The following RXRB variants were observed in gnomAD, a reference collection of about 807,000 sequenced individuals.
The protein encoded by RXRB is retinoid X receptor beta.
A neutral mutation model predicts 52.5 loss-of-function variants in RXRB; 18 were observed. That is an observed-to-expected ratio of 0.34 (90% CI 0.24 to 0.51). RXRB has a LOEUF of 0.51. Ranked by LOEUF, RXRB falls within the 20% of genes least tolerant of loss-of-function variation. The pLI, the probability that RXRB is intolerant of heterozygous loss-of-function variation, is 0.97. For synonymous variants in RXRB, 233 were observed against 267.1 expected (o/e 0.87, Z 1.25); for missense variants, 455 against 698.2 (o/e 0.65, Z 3.92).
In RXRB at chr6:33,199,265, C is replaced by T; in HGVS notation, c.387G>A (p.Leu129=). 1 of 394,922 alleles carries T rather than the reference C, an allele frequency of 2.5e-6. No individual in the cohort carries two copies. The highest frequency in any genetic ancestry group is 3.1e-6 in the Non-Finnish European group (1 of 321,670). 24.5% of individuals were successfully genotyped at this position (394,922 alleles called of 1,614,324 possible). ...AACTGATGACTGGAAAGGGAGAGCC[C>T]AGTGGGGGTGGTGGCATCGGGGGTG... ...PPPPPMPPPP[L]GSPFPVISSS... Residue 129 remains leucine (L), a synonymous_variant, in exon 2 of 10, where the codon CTG becomes CTA. Coordinates refer to ENST00000374680, the MANE Select transcript of RXRB (RefSeq NM_021976.5).
rs1774035764 is a variant in RXRB, at chr6:33,197,828, G to A, written c.754C>T (p.Arg252Cys). 1.2e-6 allele frequency: 2 copies of A among 1,613,944 alleles called. No individual in the cohort carries two copies. Among genetic ancestry groups the A allele is most frequent in the Non-Finnish European group, 1.7e-6 (2 of 1,180,024 alleles). Reference protein sequence around the residue: ...RDNKDCTVDKRQRNRCQYCRY... With the variant: ...RDNKDCTVDKCQRNRCQYCRY... ...CAGTACTGACAGCGGTTCCGCTGGC[G>A]CTTGTCCACTGTGCAGTCTTTGTTG... The change falls in exon 4 of 10, where the codon CGC becomes TGC. Residue 252 changes from arginine (R) to cysteine (C), a missense_variant. By Grantham distance (180) the Arg-to-Cys change is radical. Around this residue, in one of 4 missense-constraint regions of RXRB, gnomAD observed 100 missense variants for 141.9 expected, o/e 0.70. Coordinates refer to ENST00000374680, the MANE Select transcript of RXRB (RefSeq NM_021976.5). This position sits in a 1 kb window ranked among gnomAD's most constrained non-coding sequence, Gnocchi z 4.4.
Position 33,195,271 on chromosome 6 carries a change from G to A in RXRB, c.1348+92C>T. 1 of 891,042 alleles carries A rather than the reference G, an allele frequency of 1.1e-6. No homozygotes were observed. Among genetic ancestry groups the A allele is most frequent in the Non-Finnish European group, 1.9e-6 (1 of 529,896 alleles). 55.2% of individuals were successfully genotyped at this position (891,042 alleles called of 1,614,324 possible). On this transcript the variant is annotated intron_variant, in intron 8 of 9. Coordinates refer to ENST00000374680, the MANE Select transcript of RXRB (RefSeq NM_021976.5). This position sits in a 1 kb window ranked among gnomAD's most constrained non-coding sequence, Gnocchi z 8.6. The stretch of plus-strand genomic sequence containing the variant: ...AGATTTCCAGGTTGAGGGTCTTACT[G>A]AGGGGGATAGCTGGGTAACTTAGGA...
intron 1 of RXRB, 117 bp from the exon 2 acceptor site, chr6:33,199,533 C>T (rs1774263132): frequency 1.2e-6 from 1 of 819,044 alleles, no homozygotes; most frequent in African/African-American, 1.7e-5. Flanking sequence ...CCCACCGTGC[C>T]GGACCCAGCC....
rs771141607 is a variant in RXRB, at chr6:33,198,340, C to T, written c.608G>A (p.Arg203Gln). 3.7e-6 allele frequency: 6 copies of T among 1,613,076 alleles called. No individual in the cohort carries two copies. Among genetic ancestry groups the T allele is most frequent in the East Asian group, 2.2e-5 (1 of 44,884 alleles). ...TCTGTCCCCGCAGATTGCACATAGC[C>T]GTTTGCCAGCCCCAGGGCCACCTGG... ...PPPGGPGAGK[R>Q]LCAICGDRSS... Residue 203 changes from arginine to glutamine, a missense_variant, in exon 3 of 10, where the codon CGG (arginine) becomes CAG (glutamine). Physicochemically the swap from Arg to Gln is conservative, Grantham distance 43. Coordinates refer to ENST00000374680, the MANE Select transcript of RXRB (RefSeq NM_021976.5).
chr6:33,198,444 G>A lies in RXRB; in HGVS notation c.504C>T (p.Leu168=). 6.2e-7 allele frequency: 1 copy of A among 1,612,628 alleles called. No individual in the cohort carries two copies. Among genetic ancestry groups the A allele is most frequent in the Non-Finnish European group, 8.5e-7 (1 of 1,179,734 alleles). The change falls in exon 3 of 10, where the codon CTC becomes CTT. Residue 168 remains leucine (L), a synonymous_variant. Coordinates refer to ENST00000374680, the MANE Select transcript of RXRB (RefSeq NM_021976.5). ...CAGGGGGGCCAGACCCACCCCCAGG[G>A]AGTGACACTGTTGAGTTAATCTGGG... ...SSPQINSTVS[L]PGGGSGPPED...
upstream of RXRB, chr6:33,200,763 T>G: frequency 2.6e-6 from 4 of 1,539,002 alleles, no homozygotes; most frequent in South Asian, 1.2e-5. This position sits in a 1 kb window ranked among gnomAD's most constrained non-coding sequence, Gnocchi z 6.3. Context: ...TCCCCTCAAA[T>G]CACCTCCACA....
intron 3 of RXRB, 115 bp from the exon 4 acceptor site, chr6:33,198,056 G>C (rs1188270082): frequency 8.3e-7 from 1 of 1,197,670 alleles, no homozygotes; most frequent in Non-Finnish European, 1.2e-6. Flanking sequence ...GCCAAATACA[G>C]AGATAGGGAA....
At position 33,195,543 on chromosome 6, in the gene RXRB, A is replaced by T. The variant is rs933124079; in HGVS notation, c.1256+27T>A. The T allele has an allele frequency of 1.2e-6, 2 of 1,612,810 alleles. No individual in the cohort carries two copies. Among genetic ancestry groups the T allele is most frequent in the Admixed American group, 1.7e-5 (1 of 59,996 alleles). On this transcript the variant is annotated intron_variant, in intron 7 of 9. Transcript: ENST00000374680. The surrounding 1 kb of genome is among the most constrained non-coding windows in gnomAD (Gnocchi z 8.6). ...CTATAGCCCCACCCCCTCTATCTAC[A>T]TGCCAGCCTAGCCGAGGGCCACTGA...
Position 33,194,636 on chromosome 6 carries a change from G to A in RXRB, c.*46C>T. 1 of 1,597,134 alleles carries A rather than the reference G, an allele frequency of 6.3e-7. No homozygotes were observed. Among genetic ancestry groups the A allele is most frequent in the Non-Finnish European group, 8.5e-7 (1 of 1,171,492 alleles). ...GCCCCAGGGCTTGGAGTCCCTCTTG[G>A]ATGTGTGCTCCTCCAGTGTGAGAAG... On this transcript the variant is annotated 3_prime_UTR_variant, in exon 10 of 10. Coordinates refer to ENST00000374680, the MANE Select transcript of RXRB (RefSeq NM_021976.5). The surrounding 1 kb of genome is among the most constrained non-coding windows in gnomAD (Gnocchi z 4.1).
chr6:33,195,510 G>T lies in RXRB; in HGVS notation c.1257-56C>A. 6.2e-7 allele frequency: 1 copy of T among 1,612,610 alleles called. No individual in the cohort carries two copies. The highest frequency in any genetic ancestry group is 8.5e-7 in the Non-Finnish European group (1 of 1,179,642). ...TCACAGCTCAGCCAGCCTTGGACAC[G>T]GACCAGCCTATAGCCCCACCCCCTC... On this transcript the variant is annotated intron_variant, in intron 7 of 9. Coordinates refer to ENST00000374680, the MANE Select transcript of RXRB (RefSeq NM_021976.5). This position sits in a 1 kb window ranked among gnomAD's most constrained non-coding sequence, Gnocchi z 8.6.
At position 33,194,421 on chromosome 6, in the gene RXRB, C is replaced by T. The variant is rs1469058361; in HGVS notation, c.*261G>A. On this transcript the variant is annotated 3_prime_UTR_variant, in exon 10 of 10. Coordinates refer to ENST00000374680, the MANE Select transcript of RXRB (RefSeq NM_021976.5). The surrounding 1 kb of genome is among the most constrained non-coding windows in gnomAD (Gnocchi z 4.1). ...GGGAAGGACAGAGGGTGAGAAATCACCCCAAATCATGGGAGAACCCGACAA... is the reference window on the plus strand; with the variant it reads ...GGGAAGGACAGAGGGTGAGAAATCATCCCAAATCATGGGAGAACCCGACAA... 4.1e-6 allele frequency: 2 copies of T among 486,204 alleles called. No individual in the cohort carries two copies. The highest frequency in any genetic ancestry group is 7.3e-6 in the Non-Finnish European group (2 of 274,418). The allele number at this position is 486,204 out of a possible 1,614,324, so 30.1% of individuals were successfully genotyped here.
chr6:33,196,354 G>T lies in RXRB; in HGVS notation c.993+80C>A, dbSNP rs1057106225. ...TAGGAAGGTTATGAGGGGAAAGGAG[G>T]GGGAGGGGATGTAGAACAGACCTAG... is the stretch of plus-strand genomic sequence containing the variant. On this transcript the variant is annotated intron_variant, in intron 5 of 9. Coordinates refer to ENST00000374680, the MANE Select transcript of RXRB (RefSeq NM_021976.5). This position sits in a 1 kb window ranked among gnomAD's most constrained non-coding sequence, Gnocchi z 4.0. The T allele has an allele frequency of 2.2e-6, 3 of 1,378,418 alleles. No individual in the cohort carries two copies. The highest frequency in any genetic ancestry group is 1.0e-6 in the Non-Finnish European group (1 of 967,012). 85.4% of individuals were successfully genotyped at this position (1,378,418 alleles called of 1,614,324 possible). A position where few individuals can be genotyped will look rare whatever the true frequency, so the allele number is the denominator to read the frequency against.
At chr6:33,198,273 A>C in intron 3 of RXRB, 35 bp downstream of exon 3, 1 of 1,612,296 alleles carries the variant, frequency 6.2e-7, no homozygotes, top group Non-Finnish European at 8.5e-7. Flanking sequence ...CATGGCCCAG[A>C]CTCTCCCTCT....
intron 3 of RXRB, 52 bp downstream of exon 3, chr6:33,198,256 G>A: frequency 6.2e-7 from 1 of 1,610,728 alleles, no homozygotes; most frequent in Non-Finnish European, 8.5e-7. Flanking sequence ...TCCCACAGGT[G>A]ATGATACATG....
chr6:33,194,650 C>T lies in RXRB; in HGVS notation c.*32G>A. ...AGTCCCTCTTGGATGTGTGCTCCTC[C>T]AGTGTGAGAAGCACCACGTCTGGGT... On this transcript the variant is annotated 3_prime_UTR_variant, in exon 10 of 10. Coordinates refer to ENST00000374680, the MANE Select transcript of RXRB (RefSeq NM_021976.5). The surrounding 1 kb of genome is among the most constrained non-coding windows in gnomAD (Gnocchi z 4.1). The T allele has an allele frequency of 6.2e-7, 1 of 1,605,992 alleles. No individual in the cohort carries two copies. Among genetic ancestry groups the T allele is most frequent in the Non-Finnish European group, 8.5e-7 (1 of 1,176,022 alleles).
At chr6:33,199,131 GA>G in intron 2 of RXRB, 37 bp downstream of exon 2, 1 of 1,282,188 alleles carries the variant, frequency 7.8e-7, no homozygotes. Flanking sequence ...ACAAGAAAAT[GA>G]AAGTGGCCAG....
upstream of RXRB, chr6:33,200,816 G>C (rs1562426112): frequency 2.6e-6 from 4 of 1,520,214 alleles, no homozygotes; most frequent in South Asian, 2.4e-5. This position sits in a 1 kb window ranked among gnomAD's most constrained non-coding sequence, Gnocchi z 6.3. Flanking sequence ...GTCGCTACCG[G>C]AGTGCCGCCA....
rs1002841616 is a variant in RXRB, at chr6:33,200,610, T to C, written c.-134A>G. On this transcript the variant is annotated 5_prime_UTR_variant, in exon 1 of 10. Coordinates refer to ENST00000374680, the MANE Select transcript of RXRB (RefSeq NM_021976.5). The surrounding 1 kb of genome is among the most constrained non-coding windows in gnomAD (Gnocchi z 6.3). ...GATTGGGTCGAATTAAGCCCGTCGC[T>C]CTGCTCAGTACCAAAATGACAGCGC... 6.7e-7 allele frequency: 1 copy of C among 1,497,456 alleles called. No homozygotes were observed. The highest frequency in any genetic ancestry group is 8.9e-7 in the Non-Finnish European group (1 of 1,123,450). 92.8% of individuals were successfully genotyped at this position (1,497,456 alleles called of 1,614,324 possible). A position where few individuals can be genotyped will look rare whatever the true frequency, so the allele number is the denominator to read the frequency against.
Position 33,200,390 on chromosome 6 carries a change from A to G in RXRB, c.87T>C (p.His29=), listed in dbSNP as rs985559413. ...CGPVGVRKEM[H]CGVASRWRRR... Reference sequence around the variant, plus strand: ...GCCGCCACCGGGACGCGACCCCACAATGCATTTCTTTTCGCACCCCCACCG... The same window carrying G: ...GCCGCCACCGGGACGCGACCCCACAGTGCATTTCTTTTCGCACCCCCACCG... The change falls in exon 1 of 10, where the codon CAT becomes CAC. Residue 29 remains histidine, a synonymous_variant. Coordinates refer to ENST00000374680, the MANE Select transcript of RXRB (RefSeq NM_021976.5). The surrounding 1 kb of genome is among the most constrained non-coding windows in gnomAD (Gnocchi z 6.3). The G allele has an allele frequency of 7.0e-6, 11 of 1,565,542 alleles. No homozygotes were observed. The highest frequency in any genetic ancestry group is 1.4e-5 in the African/African-American group (1 of 74,036).
Sources: allele counts gnomAD v4.1 joint callset, GRCh38; gene constraint gnomAD v4.1.1; regional missense constraint gnomAD v4.1.1; non-coding constraint Gnocchi (gnomAD v3.1); transcripts MANE v1.5; gene names NCBI Gene and HGNC (gene_info 2026-07-23, HGNC 2026-07-21).